DYNC2H1: variants seen among roughly 807,000 people sequenced by gnomAD.
DYNC2H1 encodes cytoplasmic dynein 2 heavy chain 1.
DYNC2H1 carries 410 observed loss-of-function variants against 570.0 expected under a neutral mutation model. The ratio of observed to expected loss-of-function variants is 0.72; its 90% CI spans 0.66 to 0.78. DYNC2H1 has a LOEUF of 0.78. Among genes scored for constraint, DYNC2H1 ranks in the 30% least tolerant of loss-of-function variants. The probability of loss-of-function intolerance (pLI) is 0.00; values close to 1 mark genes in which losing one functional copy is unlikely to be tolerated. For synonymous variants in DYNC2H1, 1,688 were observed against 1,677.6 expected (o/e 1.01, Z -0.15); for missense variants, 4,865 against 5,046.4 (o/e 0.96, Z 1.09).
intron 85 of DYNC2H1, among the ~76,000 whole-genome samples, chr11:103,454,046 G>A (rs990212076): frequency 6.6e-6 from 1 of 152,010 alleles, no homozygotes; most frequent in Non-Finnish European, 1.5e-5. Context: ...AGGAACATAG[G>A]AACATTTCTG....
At chr11:103,428,136 C>T (rs1160428667) in intron 84 of DYNC2H1, among the ~76,000 whole-genome samples, 1 of 149,054 alleles carries the variant, frequency 6.7e-6, no homozygotes, top group Non-Finnish European at 1.5e-5. Context: ...AACTCTGGGA[C>T]AACAGGCATC....
At chr11:103,120,418 A>T in intron 6 of DYNC2H1, 29 bp from the exon 7 acceptor site, 1 of 1,547,718 alleles carries the variant, frequency 6.5e-7, no homozygotes, top group East Asian at 2.3e-5. Flanking sequence ...GATTTAAATA[A>T]ATTCTGTTGT....
chr11:103,460,088 A>C (rs1043191749), intron 87 of DYNC2H1, among the ~76,000 whole-genome samples: 2 of 152,000 alleles, frequency 1.3e-5, no homozygotes, highest in Admixed American at 1.3e-4. Context: ...TCCTGGGCTC[A>C]AGCAATCCTC....
intron 84 of DYNC2H1, among the ~76,000 whole-genome samples, chr11:103,435,313 T>C (rs1237071497): frequency 6.6e-6 from 1 of 152,156 alleles, no homozygotes; most frequent in Admixed American, 6.6e-5. Context: ...GTTTGTGTGA[T>C]ATTTAGAAAA....
intron 85 of DYNC2H1, among the ~76,000 whole-genome samples, chr11:103,452,490 C>T (rs537289912): frequency 1.3e-5 from 2 of 151,806 alleles, no homozygotes; most frequent in East Asian, 3.9e-4. Flanking sequence ...TAGCCTCTGA[C>T]TTCTATATCC....
intron 34 of DYNC2H1, 47 bp downstream of exon 34, chr11:103,171,115 CTT>C (rs749268518): frequency 1.4e-6 from 2 of 1,435,506 alleles, no homozygotes; most frequent in South Asian, 3.1e-5. Context: ...TTTTGTAAGA[CTT>C]GATATTACTC....
rs990793279 is a variant in DYNC2H1 at position 103,395,546 on chromosome 11, G to A, written c.12157-4117G>A. On this transcript the variant is annotated intron_variant, in intron 83 of 88. Transcript: ENST00000375735. The surrounding 1 kb of genome is among the most constrained non-coding windows in gnomAD (Gnocchi z 4.3). The stretch of plus-strand genomic sequence containing the variant: ...CTGTATTGGCACCATTTTTCATACA[G>A]CATCTCTTTATTATCACAGAATTAT... Among the ~76,000 whole-genome samples, 3 of 151,572 alleles carry A rather than the reference G, an allele frequency of 2.0e-5. No homozygotes were observed. Among genetic ancestry groups the A allele is most frequent in the Non-Finnish European group, 4.4e-5 (3 of 67,922 alleles).
chr11:103,271,073 ATATAT>A (rs1473901739), intron 70 of DYNC2H1, among the ~76,000 whole-genome samples: 2 of 152,340 alleles, frequency 1.3e-5, no homozygotes, highest in African/African-American at 4.8e-5. Flanking sequence ...AAATTCAGAT[ATATAT>A]TATGTTTTAA....
At chr11:103,156,900 A>G (rs1860861898) in intron 26 of DYNC2H1, 130 bp downstream of exon 26, 1 of 1,165,552 alleles carries the variant, frequency 8.6e-7, no homozygotes, top group Admixed American at 3.1e-5. Flanking sequence ...ATTCTTTCCT[A>G]GTGGATCCTT....
chr11:103,145,736 G>C lies in DYNC2H1; in HGVS notation c.2703-2036G>C, dbSNP rs1860210486. On this transcript the variant is annotated intron_variant, in intron 18 of 88. Coordinates refer to ENST00000375735, the MANE Select transcript of DYNC2H1 (RefSeq NM_001377.3). This position sits in a 1 kb window ranked among gnomAD's most constrained non-coding sequence, Gnocchi z 4.2. ...GTAAGATTAGAAAAGCTATGTTCTAGTGATGTATTTTAGATAGTATCATAA... is the reference window on the plus strand; with the variant it reads ...GTAAGATTAGAAAAGCTATGTTCTACTGATGTATTTTAGATAGTATCATAA... Among the ~76,000 whole-genome samples, 1 of 152,154 alleles carries C rather than the reference G, an allele frequency of 6.6e-6. No homozygotes were observed. The highest frequency in any genetic ancestry group is 2.1e-4 in the South Asian group (1 of 4,836).
intron 85 of DYNC2H1, chr11:103,454,908 T>C (rs947616881): frequency 3.1e-5 from 10 of 318,638 alleles, no homozygotes; most frequent in African/African-American, 1.9e-4. Context: ...AATGGGGTGC[T>C]GTACATTAGG....
chr11:103,291,870 A>G (rs1866614273), intron 75 of DYNC2H1, among the ~76,000 whole-genome samples: 1 of 151,968 alleles, frequency 6.6e-6, no homozygotes, highest in African/African-American at 2.4e-5. Context: ...AATTATAGCT[A>G]CTTCTTCTCT....
At chr11:103,474,484 G>A (rs1945490291) in intron 88 of DYNC2H1, among the ~76,000 whole-genome samples, 1 of 152,130 alleles carries the variant, frequency 6.6e-6, no homozygotes, top group African/African-American at 2.4e-5. Context: ...GCTAATATGA[G>A]TAACGTAATA....
chr11:103,290,197 G>A (rs921037206), intron 75 of DYNC2H1, among the ~76,000 whole-genome samples: 37 of 151,914 alleles, frequency 2.4e-4, no homozygotes, highest in Admixed American at 5.2e-4. Flanking sequence ...TTTTGGGTTG[G>A]GGGGAGACAC....
chr11:103,207,255 G>T (rs1400518330), intron 52 of DYNC2H1, among the ~76,000 whole-genome samples: 6 of 139,796 alleles, frequency 4.3e-5, no homozygotes, highest in Non-Finnish European at 7.7e-5. Flanking sequence ...AAAAAGATGG[G>T]ACACACTATA....
chr11:103,143,436 T>G (rs1463506414), intron 18 of DYNC2H1, 41 bp downstream of exon 18: 1 of 1,541,290 alleles, frequency 6.5e-7, no homozygotes, highest in African/African-American at 1.4e-5. Flanking sequence ...CATAATAATT[T>G]TTTGACATGG....
intron 17 of DYNC2H1, among the ~76,000 whole-genome samples, chr11:103,141,250 G>T (rs1019801688): frequency 1.8e-4 from 27 of 152,194 alleles, no homozygotes; most frequent in Admixed American, 1.4e-3. Context: ...TACTGGTGAG[G>T]AACTGCATTC....
chr11:103,361,341 T>TGGAG (rs1940627922), intron 83 of DYNC2H1, among the ~76,000 whole-genome samples: 1 of 152,200 alleles, frequency 6.6e-6, no homozygotes, highest in African/African-American at 2.4e-5. Flanking sequence ...CATCTGTGAA[T>TGGAG]CAGGAAGCAG....
intron 82 of DYNC2H1, among the ~76,000 whole-genome samples, chr11:103,342,303 T>TCGG (rs1939487801): frequency 6.6e-6 from 1 of 151,988 alleles, no homozygotes; most frequent in Non-Finnish European, 1.5e-5. Context: ...AATGGACCAA[T>TCGG]CAGCACCCTA....
Sources: gnomAD v4.1 joint callset for allele counts (sites outside exome capture counted in the v4.1 genomes callset) on GRCh38, gnomAD v4.1.1 for gene constraint, Gnocchi (gnomAD v3.1) non-coding constraint, MANE v1.5 for transcripts, NCBI Gene and HGNC (gene_info 2026-07-23, HGNC 2026-07-21) for gene names.